PHEX: variants seen among roughly 807,000 people sequenced by gnomAD.
PHEX encodes the protein phosphate regulating endopeptidase X-linked.
In PHEX, 16 loss-of-function variants were observed where a neutral mutation model predicts 68.0. That is an observed-to-expected ratio of 0.24 (90% CI 0.16 to 0.36). The LOEUF (loss-of-function observed/expected upper bound fraction) is 0.36, where lower values mean the gene tolerates loss of function less well. Among genes scored for constraint, PHEX ranks in the 10% least tolerant of loss-of-function variants. The pLI is 1.00. For missense variants in PHEX, 480 were observed against 575.5 expected, an observed-to-expected ratio of 0.83 and a Z score of 1.70; for synonymous variants, 208 against 205.1, an observed-to-expected ratio of 1.01 and a Z score of -0.12.
At chrX:22,234,830 A>AAC (rs1186565071) in intron 20 of PHEX, among the ~76,000 whole-genome samples, 2 of 107,639 alleles carry the variant, frequency 1.9e-5, no homozygotes, top group African/African-American at 3.4e-5. Flanking sequence ...AAAAAAAAAA[A>AAC]AACCACACAC....
chrX:22,120,343 G>A (rs906608095), intron 11 of PHEX, among the ~76,000 whole-genome samples: 1 of 111,463 alleles, frequency 9.0e-6, no homozygotes, highest in African/African-American at 3.3e-5. Flanking sequence ...ATCTCTGAAG[G>A]CACTTGAATC....
At position 22,076,422 on chromosome X, in the gene PHEX, C is replaced by T; in HGVS notation, c.384C>T (p.Asp128=). The change falls in exon 4 of 22, where the codon GAC becomes GAT. Residue 128 remains aspartate, a synonymous_variant. Coordinates refer to ENST00000379374, the MANE Select transcript of PHEX (RefSeq NM_000444.6). ...LLEKSISRRR[D]TEAIQKAKIL... ...AGAAATCAATCAGTAGAAGGCGGGA[C>T]ACCGAAGCCATACAGAAAGCCAAAA... is the stretch of plus-strand genomic sequence containing the variant. 2 of 1,208,933 alleles carry T rather than the reference C, an allele frequency of 1.7e-6. No individual in the cohort carries two copies. The highest frequency in any genetic ancestry group is 2.2e-6 in the Non-Finnish European group (2 of 892,886).
chrX:22,211,659 G>C (rs772248653), intron 15 of PHEX, among the ~76,000 whole-genome samples: 1 of 112,033 alleles, frequency 8.9e-6, no homozygotes, highest in East Asian at 2.8e-4. Context: ...GAATAAAGAA[G>C]GACTAAAAGG....
At chrX:22,207,600 GAAAAC>G (rs1436794947) in intron 15 of PHEX, among the ~76,000 whole-genome samples, 1 of 110,357 alleles carries the variant, frequency 9.1e-6, no homozygotes, top group African/African-American at 3.3e-5. Context: ...AAAAAAATAA[GAAAAC>G]AAATAAATAA....
chrX:22,208,110 T>C (rs1191984076), intron 15 of PHEX, among the ~76,000 whole-genome samples: 1 of 94,569 alleles, frequency 1.1e-5, no homozygotes, highest in Non-Finnish European at 2.0e-5. Flanking sequence ...ATTACACAAG[T>C]TTATTATCTT....
chrX:22,114,181 C>T (rs1207969219), intron 10 of PHEX, among the ~76,000 whole-genome samples: 1 of 110,049 alleles, frequency 9.1e-6, no homozygotes, highest in Non-Finnish European at 1.9e-5. Flanking sequence ...AGCTCCTGAC[C>T]TCAGGTGATC....
intron 15 of PHEX, among the ~76,000 whole-genome samples, chrX:22,197,723 C>A (rs1041645099): frequency 8.1e-5 from 9 of 111,415 alleles, no homozygotes; most frequent in African/African-American, 2.9e-4. Flanking sequence ...ATTTGTTACA[C>A]AGCAAGAGGT....
chrX:22,067,560 A>G (rs1053453861), intron 3 of PHEX, among the ~76,000 whole-genome samples: 9 of 111,608 alleles, frequency 8.1e-5, no homozygotes, highest in African/African-American at 2.9e-4. Context: ...AGACAGGACA[A>G]AAGTTCCTTT....
intron 3 of PHEX, among the ~76,000 whole-genome samples, chrX:22,066,763 A>G (rs191604739): frequency 1.8e-5 from 2 of 111,996 alleles, no homozygotes; most frequent in Admixed American, 1.9e-4. Context: ...TCACCTCCTC[A>G]TAGAAGGTGG....
intron 9 of PHEX, among the ~76,000 whole-genome samples, chrX:22,104,451 G>T (rs1187342674): frequency 1.8e-5 from 2 of 110,875 alleles, no homozygotes; most frequent in East Asian, 2.8e-4. Flanking sequence ...AGGTGGAAAG[G>T]GGGGTGGGGT....
chrX:22,228,909 G>A (rs1351502499), intron 20 of PHEX, among the ~76,000 whole-genome samples: 1 of 111,063 alleles, frequency 9.0e-6, no homozygotes, highest in African/African-American at 3.3e-5. Flanking sequence ...AGGCCCTGGT[G>A]TGTGATGTTC....
chrX:22,203,390 G>T (rs1050421285), intron 15 of PHEX, among the ~76,000 whole-genome samples: 4 of 110,232 alleles, frequency 3.6e-5, no homozygotes, highest in African/African-American at 1.3e-4. Context: ...GATGGCTAAG[G>T]CATCTTGCTG....
intron 10 of PHEX, 136 bp downstream of exon 10, chrX:22,111,696 T>G (rs1034183404): frequency 9.1e-5 from 47 of 514,486 alleles, no homozygotes; most frequent in South Asian, 6.9e-4. Context: ...TCTATTGTTT[T>G]TGTGTGTGTG....
Position 22,251,091 on chromosome X carries a change from C to T in PHEX, c.*3138C>T, listed in dbSNP as rs768770074. 8 of 112,406 alleles carry T rather than the reference C, an allele frequency of 7.1e-5. No individual in the cohort carries two copies. The highest frequency in any genetic ancestry group is 1.1e-4 in the Non-Finnish European group (6 of 53,262). 9.3% of individuals were successfully genotyped at this position (112,406 alleles called of 1,213,427 possible). On this transcript the variant is annotated 3_prime_UTR_variant, in exon 22 of 22. Transcript: ENST00000379374. The stretch of plus-strand genomic sequence containing the variant: ...TTCTTCCTTGATACATTTAACATAA[C>T]GCCTCAGTTGCATATTACATTATGG...
intron 6 of PHEX, among the ~76,000 whole-genome samples, chrX:22,091,778 A>G (rs1448955477): frequency 8.9e-6 from 1 of 111,987 alleles, no homozygotes; most frequent in African/African-American, 3.3e-5. Context: ...GTGATTTATA[A>G]AGGAAAGAGG....
At chrX:22,244,650 G>T (rs1372193843) in intron 20 of PHEX, among the ~76,000 whole-genome samples, 1 of 111,293 alleles carries the variant, frequency 9.0e-6, no homozygotes, top group Admixed American at 9.6e-5. Context: ...CTATATCTTG[G>T]CATGTGCTTC....
Position 22,077,696 on chromosome X carries a change from C to A in PHEX, c.657C>A (p.Ile219=). ...ATGACAAAGCATCCAATGAACATAT[C>A]TTGAAGGTATAATGAGGACCCATTC... The part of the protein sequence containing the change: ...SPDDKASNEH[I]LKLDQATLSL... The change falls in exon 5 of 22, where the codon ATC becomes ATA. Residue 219 remains isoleucine (I), a synonymous_variant. Coordinates refer to ENST00000379374, the MANE Select transcript of PHEX (RefSeq NM_000444.6). The A allele has an allele frequency of 1.7e-6, 2 of 1,190,319 alleles. No homozygotes were observed. Among genetic ancestry groups the A allele is most frequent in the Non-Finnish European group, 2.3e-6 (2 of 875,863 alleles).
chrX:22,079,338 A>G (rs1461396483), intron 5 of PHEX, among the ~76,000 whole-genome samples: 2 of 112,211 alleles, frequency 1.8e-5, no homozygotes, highest in Non-Finnish European at 3.8e-5. Context: ...CCATGTATCC[A>G]TCAACCCAGC....
intron 9 of PHEX, among the ~76,000 whole-genome samples, chrX:22,099,965 C>T (rs769439192): frequency 2.7e-5 from 3 of 112,392 alleles, no homozygotes; most frequent in Non-Finnish European, 3.8e-5. Flanking sequence ...TTATCCCCTA[C>T]GGAAACACTT....
Sources: gnomAD v4.1 joint callset for allele counts (sites outside exome capture counted in the v4.1 genomes callset) on GRCh38, gnomAD v4.1.1 for gene constraint, MANE v1.5 for transcripts, NCBI Gene and HGNC (gene_info 2026-07-23, HGNC 2026-07-21) for gene names.